The following CADM2 variants were observed in gnomAD, a reference collection of about 807,000 sequenced individuals.
CADM2 encodes cell adhesion molecule 2.
In CADM2, 12 loss-of-function variants were observed where a neutral mutation model predicts 49.8. That is an observed-to-expected ratio of 0.24 (90% CI 0.15 to 0.39). The LOEUF is 0.39. Among genes scored for constraint, CADM2 ranks in the 10% least tolerant of loss-of-function variants. CADM2 has a pLI of 1.00. For synonymous variants in CADM2, 214 were observed against 175.4 expected, an observed-to-expected ratio of 1.22 and a Z score of -1.74; for missense variants, 378 against 492.3, an observed-to-expected ratio of 0.77 and a Z score of 2.20.
At chr3:84,962,283 A>G (rs1482034371) in intron 1 of CADM2, among the ~76,000 whole-genome samples, 1 of 151,916 alleles carries the variant, frequency 6.6e-6, no homozygotes, top group African/African-American at 2.4e-5. Flanking sequence ...TAAAAAAAAA[A>G]AAAAGAAAGA....
intron 2 of CADM2, among the ~76,000 whole-genome samples, chr3:85,738,545 A>G (rs375682910): frequency 7.9e-5 from 12 of 152,210 alleles, no homozygotes; most frequent in African/African-American, 2.7e-4. Flanking sequence ...CCAGTAGGTC[A>G]TTTCAGCATG....
chr3:85,159,296 A>G (rs1025670169), intron 1 of CADM2, among the ~76,000 whole-genome samples: 13 of 149,580 alleles, frequency 8.7e-5, no homozygotes, highest in Admixed American at 7.3e-4. Flanking sequence ...GAACGAGTTT[A>G]AAGATGGTGG....
intron 8 of CADM2, among the ~76,000 whole-genome samples, chr3:86,060,509 G>A (rs1007248193): frequency 2.0e-5 from 3 of 152,038 alleles, no homozygotes; most frequent in African/African-American, 4.8e-5. Context: ...CATCCCAACA[G>A]TAAGATGAAA....
intron 1 of CADM2, among the ~76,000 whole-genome samples, chr3:85,180,497 A>C (rs1305717222): frequency 2.9e-5 from 4 of 135,594 alleles, no homozygotes; most frequent in African/African-American, 8.5e-5. Flanking sequence ...TGAAAGAGTG[A>C]GACCCTGTCT....
rs149501613 is a variant in CADM2 at position 85,953,245 on chromosome 3, C to A, written c.792-8224C>A. 6.4e-3 allele frequency among the ~76,000 whole-genome samples: 965 copies of A among 151,048 alleles called. 13 individuals carry two copies. Among genetic ancestry groups the A allele is most frequent in the African/African-American group, 0.02 (843 of 41,412 alleles). On this transcript the variant is annotated intron_variant, in intron 7 of 9. Transcript: ENST00000383699. ...CTTATAAGCATACTTGTTCTTGATT[C>A]TTCATACACAACTTATAGTTTGCCT...
At chr3:85,275,692 T>C (rs2043341573) in intron 1 of CADM2, among the ~76,000 whole-genome samples, 1 of 151,288 alleles carries the variant, frequency 6.6e-6, no homozygotes, top group Non-Finnish European at 1.5e-5. Context: ...TTAATACATG[T>C]ATTTGCTAAG....
At chr3:85,742,999 G>A (rs766596234) in intron 2 of CADM2, among the ~76,000 whole-genome samples, 2 of 151,924 alleles carry the variant, frequency 1.3e-5, no homozygotes, top group Admixed American at 6.6e-5. Flanking sequence ...TGAGTCTACC[G>A]ATTTCTGCAA....
At chr3:85,439,237 T>G (rs1046009726) in intron 1 of CADM2, among the ~76,000 whole-genome samples, 2 of 149,784 alleles carry the variant, frequency 1.3e-5, no homozygotes, top group Non-Finnish European at 1.5e-5. Context: ...CACCGCAACC[T>G]CCACCTCCCA....
intron 2 of CADM2, among the ~76,000 whole-genome samples, chr3:85,792,865 G>A (rs750945004): frequency 6.6e-6 from 1 of 152,000 alleles, no homozygotes; most frequent in Non-Finnish European, 1.5e-5. Flanking sequence ...TTGCTTTTAT[G>A]CTCTAAGGTT....
chr3:85,475,540 A>G (rs2038941881), intron 1 of CADM2, among the ~76,000 whole-genome samples: 1 of 151,558 alleles, frequency 6.6e-6, no homozygotes, highest in African/African-American at 2.4e-5. Context: ...CGTTTATTTG[A>G]TTTAGGATGA....
At chr3:85,268,978 GCTAT>G (rs2043176980) in intron 1 of CADM2, among the ~76,000 whole-genome samples, 1 of 151,180 alleles carries the variant, frequency 6.6e-6, no homozygotes, top group African/African-American at 2.4e-5. Context: ...AAACAAAATT[GCTAT>G]CTAATTTTAC....
chr3:86,005,799 G>A (rs1222353407), intron 8 of CADM2, among the ~76,000 whole-genome samples: 1 of 152,002 alleles, frequency 6.6e-6, no homozygotes, highest in Non-Finnish European at 1.5e-5. Flanking sequence ...CTGTCAAATG[G>A]TAGGTCTTAT....
At chr3:85,021,688 T>C (rs1343195495) in intron 1 of CADM2, among the ~76,000 whole-genome samples, 1 of 152,006 alleles carries the variant, frequency 6.6e-6, no homozygotes, top group Non-Finnish European at 1.5e-5. Context: ...GGCAGGAGAA[T>C]CGCTTGAACC....
intron 1 of CADM2, among the ~76,000 whole-genome samples, chr3:85,636,755 A>C (rs2064500213): frequency 6.6e-6 from 1 of 152,166 alleles, no homozygotes; most frequent in African/African-American, 2.4e-5. Context: ...TGATATTTTT[A>C]AATACACAAA....
intron 3 of CADM2, among the ~76,000 whole-genome samples, chr3:85,856,587 C>A (rs2075325464): frequency 6.6e-6 from 1 of 152,024 alleles, no homozygotes; most frequent in African/African-American, 2.4e-5. Context: ...GAAATATGGT[C>A]AAGGATTACA....
chr3:85,795,446 A>C (rs1327503197), intron 2 of CADM2, among the ~76,000 whole-genome samples: 1 of 152,162 alleles, frequency 6.6e-6, no homozygotes, highest in African/African-American at 2.4e-5. Context: ...TATTGGGAAA[A>C]ACTAAGTTAT....
intron 8 of CADM2, among the ~76,000 whole-genome samples, chr3:85,972,014 C>T (rs1289477703): frequency 6.6e-6 from 1 of 151,292 alleles, no homozygotes; most frequent in Non-Finnish European, 1.5e-5. Flanking sequence ...AAAAGAGTTC[C>T]TTTTTATGAA....
At chr3:85,817,335 A>G (rs1559679105) in intron 3 of CADM2, among the ~76,000 whole-genome samples, 1 of 152,194 alleles carries the variant, frequency 6.6e-6, no homozygotes. Flanking sequence ...GTTTAGAAAG[A>G]ATAGCAGCAG....
At chr3:86,014,299 A>G (rs1293289107) in intron 8 of CADM2, 19 of 1,350,454 alleles carry the variant, frequency 1.4e-5, no homozygotes, top group Non-Finnish European at 1.9e-5. Context: ...GTTCTTAAAA[A>G]TGTCCTATCT....
Sources: allele counts gnomAD v4.1 joint callset (sites outside exome capture counted in the v4.1 genomes callset), GRCh38; gene constraint gnomAD v4.1.1; transcripts MANE v1.5; gene names NCBI Gene and HGNC (gene_info 2026-07-23, HGNC 2026-07-21).